Variants in DOK6 observed in about 807,000 individuals in gnomAD.
The protein encoded by DOK6 is downstream of tyrosine kinase 6.
A neutral mutation model predicts 44.0 loss-of-function variants in DOK6; 22 were observed. The observed-to-expected ratio is 0.50, with a 90% CI of 0.36 to 0.71. The LOEUF is 0.71. DOK6 is among the 30% of genes least tolerant of loss of function. The pLI is 0.00. For synonymous variants in DOK6, 166 were observed against 145.5 expected, an observed-to-expected ratio of 1.14 and a Z score of -1.01; for missense variants, 340 against 416.4, an observed-to-expected ratio of 0.82 and a Z score of 1.60.
intron 1 of DOK6, among the ~76,000 whole-genome samples, chr18:69,529,378 A>G (rs907836222): frequency 6.6e-6 from 1 of 152,032 alleles, no homozygotes; most frequent in African/African-American, 2.4e-5. Flanking sequence ...TCTTCATCTC[A>G]TATTTTTGAC....
chr18:69,667,591 A>G (rs781232782), intron 3 of DOK6, among the ~76,000 whole-genome samples: 3 of 152,178 alleles, frequency 2.0e-5, no homozygotes, highest in Non-Finnish European at 2.9e-5. Context: ...TTTGGACTTC[A>G]TTTGACTTGA....
intron 1 of DOK6, among the ~76,000 whole-genome samples, chr18:69,532,158 T>A (rs1044110784): frequency 6.6e-6 from 1 of 152,174 alleles, no homozygotes; most frequent in African/African-American, 2.4e-5. Flanking sequence ...AATAAACGTC[T>A]GTTGTTTAAG....
chr18:69,834,072 T>C (rs1274558359), intron 7 of DOK6, among the ~76,000 whole-genome samples: 17 of 152,208 alleles, frequency 1.1e-4, no homozygotes, highest in Admixed American at 1.1e-3. Context: ...AGGAGGTATT[T>C]GCATTCCCAT....
At chr18:69,529,276 C>G (rs968483799) in intron 1 of DOK6, among the ~76,000 whole-genome samples, 3 of 152,118 alleles carry the variant, frequency 2.0e-5, no homozygotes, top group Admixed American at 2.0e-4. Flanking sequence ...CCCTCACCCT[C>G]CTATCCACCT....
intron 2 of DOK6, among the ~76,000 whole-genome samples, chr18:69,588,792 T>G (rs978448489): frequency 5.3e-5 from 8 of 150,452 alleles, no homozygotes; most frequent in African/African-American, 1.7e-4. Flanking sequence ...TCTAATATCA[T>G]TATGCATATA....
chr18:69,612,654 C>T (rs1323284287), intron 3 of DOK6, among the ~76,000 whole-genome samples: 1 of 150,488 alleles, frequency 6.6e-6, no homozygotes, highest in African/African-American at 2.4e-5. Flanking sequence ...TACCCTAAAG[C>T]GGGGCTTCAC....
intron 7 of DOK6, among the ~76,000 whole-genome samples, chr18:69,777,570 A>T (rs1012348358): frequency 6.6e-6 from 1 of 152,030 alleles, no homozygotes; most frequent in Non-Finnish European, 1.5e-5. Flanking sequence ...CAATTGACTC[A>T]GTTCTATTAA....
At chr18:69,823,060 G>A (rs1599344862) in intron 7 of DOK6, among the ~76,000 whole-genome samples, 2 of 152,320 alleles carry the variant, frequency 1.3e-5, no homozygotes, top group East Asian at 3.9e-4. Flanking sequence ...AGGGCAAGAT[G>A]AGACATCTGT....
chr18:69,670,354 A>C (rs904293773), intron 3 of DOK6, among the ~76,000 whole-genome samples: 1 of 152,010 alleles, frequency 6.6e-6, no homozygotes, highest in African/African-American at 2.4e-5. Context: ...TTCTCTCTCA[A>C]CTGCCAACCA....
At chr18:69,562,917 T>C (rs1405760962) in intron 1 of DOK6, among the ~76,000 whole-genome samples, 3 of 152,156 alleles carry the variant, frequency 2.0e-5, no homozygotes, top group African/African-American at 7.2e-5. Context: ...AAAGGGCTAA[T>C]ATCCAGAATC....
chr18:69,533,874 T>G (rs1452997903), intron 1 of DOK6, among the ~76,000 whole-genome samples: 1 of 152,190 alleles, frequency 6.6e-6, no homozygotes, highest in Non-Finnish European at 1.5e-5. Flanking sequence ...TTCATATTTC[T>G]TTCTCTAAAG....
intron 1 of DOK6, among the ~76,000 whole-genome samples, chr18:69,504,954 TCTC>T (rs1246910604): frequency 4.6e-5 from 7 of 152,280 alleles, no homozygotes; most frequent in African/African-American, 1.4e-4. Context: ...TCTCCGTTCT[TCTC>T]CTTCTTTACT....
intron 2 of DOK6, among the ~76,000 whole-genome samples, chr18:69,585,044 A>G (rs890569071): frequency 6.6e-6 from 1 of 151,142 alleles, no homozygotes; most frequent in Non-Finnish European, 1.5e-5. Flanking sequence ...TTCTGCCCTT[A>G]TCATTATTAT....
At chr18:69,651,512 AG>A (rs1328678376) in intron 3 of DOK6, among the ~76,000 whole-genome samples, 1 of 136,574 alleles carries the variant, frequency 7.3e-6, no homozygotes, top group Non-Finnish European at 1.5e-5. Context: ...TTTTTAAGAC[AG>A]AGTCTTGCCT....
At position 69,774,133 on chromosome 18, in the gene DOK6, GAT is replaced by G. The variant is rs111360276; in HGVS notation, c.856+16282_856+16283del. Among the ~76,000 whole-genome samples, 212 of 66,876 alleles carry G rather than the reference GAT, an allele frequency of 3.2e-3. 22 individuals carry two copies. The highest frequency in any genetic ancestry group is 0.01 in the Middle Eastern group (1 of 98). The allele number at this position is 66,876 out of a possible 152,430, so 43.9% of individuals were successfully genotyped here. A position where few individuals can be genotyped will look rare whatever the true frequency, so the allele number is the denominator to read the frequency against. On this transcript the variant is annotated intron_variant, in intron 7 of 7. Coordinates refer to ENST00000382713, the MANE Select transcript of DOK6 (RefSeq NM_152721.6). Reference sequence around the variant, plus strand: ...TAGATTTATATAGATATATATATGAGATATATATATATATATATATATAATGT... The same window carrying G: ...TAGATTTATATAGATATATATATGAGATATATATATATATATATATAATGT...
intron 7 of DOK6, chr18:69,777,911 C>A (rs905686450): frequency 6.6e-6 from 1 of 151,806 alleles, no homozygotes; most frequent in South Asian, 2.1e-4. Context: ...ATCGGCACTC[C>A]GATTTAACAG....
chr18:69,560,106 A>C (rs1053046467), intron 1 of DOK6, among the ~76,000 whole-genome samples: 3 of 152,142 alleles, frequency 2.0e-5, no homozygotes, highest in African/African-American at 7.2e-5. Flanking sequence ...TCAAATTCAC[A>C]TGCCAGATGC....
intron 3 of DOK6, among the ~76,000 whole-genome samples, chr18:69,628,817 A>G (rs1374016105): frequency 6.6e-6 from 1 of 152,206 alleles, no homozygotes; most frequent in East Asian, 1.9e-4. Context: ...CAAGTATGAG[A>G]GTAATTCACA....
At chr18:69,487,217 GTGTGTC>G (rs1195564453) in intron 1 of DOK6, among the ~76,000 whole-genome samples, 17 of 143,718 alleles carry the variant, frequency 1.2e-4, no homozygotes, top group Non-Finnish European at 1.7e-4. Context: ...GTGTGTGTGT[GTGTGTC>G]TGTCTGTGTG....
Sources: gnomAD v4.1 joint callset for allele counts (sites outside exome capture counted in the v4.1 genomes callset) on GRCh38, gnomAD v4.1.1 for gene constraint, MANE v1.5 for transcripts, NCBI Gene and HGNC (gene_info 2026-07-23, HGNC 2026-07-21) for gene names.